Variants in CNBD1 observed in about 807,000 individuals in gnomAD.
The protein encoded by CNBD1 is cyclic nucleotide-binding domain-containing protein 1.
Under a neutral mutation model 54.4 loss-of-function variants are expected in CNBD1, and 71 were observed. The observed-to-expected ratio is 1.30, with a 90% confidence interval of 1.08 to 1.59. The LOEUF (loss-of-function observed/expected upper bound fraction) is 1.59, where lower values mean the gene tolerates loss of function less well. Ranked by LOEUF, CNBD1 falls within the 40% of genes most tolerant of loss-of-function variation. CNBD1 has a pLI of 0.00. For synonymous variants in CNBD1, 182 were observed against 170.7 expected (o/e 1.07, Z -0.51); for missense variants, 659 against 518.0 (o/e 1.27, Z -2.64).
chr8:87,117,554 A>G (rs1269396775), intron 4 of CNBD1, among the ~76,000 whole-genome samples: 4 of 152,210 alleles, frequency 2.6e-5, no homozygotes, highest in Non-Finnish European at 5.9e-5. Flanking sequence ...TTATTTCCAA[A>G]AAGACAAGCA....
intron 4 of CNBD1, among the ~76,000 whole-genome samples, chr8:87,020,889 A>C (rs1472647506): frequency 6.6e-6 from 1 of 152,194 alleles, no homozygotes; most frequent in East Asian, 1.9e-4. Flanking sequence ...AAAGTCTGCT[A>C]TCCAAAAAGC....
chr8:87,140,755 A>G (rs998295423), intron 4 of CNBD1, among the ~76,000 whole-genome samples: 3 of 152,164 alleles, frequency 2.0e-5, no homozygotes, highest in African/African-American at 7.2e-5. Context: ...GTTGTCAAGC[A>G]TGTAGAATCG....
At chr8:87,141,641 CAAT>C (rs1372602503) in intron 4 of CNBD1, among the ~76,000 whole-genome samples, 4 of 151,966 alleles carry the variant, frequency 2.6e-5, no homozygotes, top group African/African-American at 9.6e-5. Flanking sequence ...TTTCAAATAA[CAAT>C]AACTCCAAAG....
At chr8:87,343,766 T>G (rs909431532) in intron 8 of CNBD1, among the ~76,000 whole-genome samples, 49 of 152,154 alleles carry the variant, frequency 3.2e-4, no homozygotes, top group Non-Finnish European at 3.4e-4. Context: ...TTCTATGGGT[T>G]TTCATAATTT....
intron 4 of CNBD1, among the ~76,000 whole-genome samples, chr8:86,945,034 T>C (rs1807433810): frequency 6.6e-6 from 1 of 152,214 alleles, no homozygotes; most frequent in South Asian, 2.1e-4. Context: ...AATCATCTGA[T>C]GCTCTCACAT....
chr8:86,986,084 C>A (rs1450140542), intron 4 of CNBD1, among the ~76,000 whole-genome samples: 1 of 152,078 alleles, frequency 6.6e-6, no homozygotes. Flanking sequence ...TGCACACCAT[C>A]ACGTCCATCT....
intron 4 of CNBD1, among the ~76,000 whole-genome samples, chr8:87,080,648 T>C (rs998219296): frequency 2.0e-5 from 3 of 152,196 alleles, no homozygotes; most frequent in Non-Finnish European, 4.4e-5. Flanking sequence ...CATTTTTTAG[T>C]TAAATATGTT....
intron 10 of CNBD1, among the ~76,000 whole-genome samples, chr8:87,376,130 A>G (rs1475840764): frequency 1.3e-5 from 2 of 151,920 alleles, no homozygotes; most frequent in Admixed American, 1.3e-4. Context: ...TAAAGGAAAT[A>G]TAGTTTAGAT....
At chr8:87,271,689 CAGTAT>C (rs946445610) in intron 6 of CNBD1, among the ~76,000 whole-genome samples, 1 of 151,950 alleles carries the variant, frequency 6.6e-6, no homozygotes, top group Non-Finnish European at 1.5e-5. Context: ...CTATGGAAAA[CAGTAT>C]AGAGGTTCCT....
At chr8:87,274,676 G>C (rs1808439399) in intron 6 of CNBD1, among the ~76,000 whole-genome samples, 1 of 133,504 alleles carries the variant, frequency 7.5e-6, no homozygotes, top group Non-Finnish European at 1.6e-5. Context: ...TTAGCCCTTT[G>C]TCAGATGAGT....
intron 4 of CNBD1, among the ~76,000 whole-genome samples, chr8:87,033,549 A>G (rs1211068507): frequency 6.6e-6 from 1 of 152,212 alleles, no homozygotes; most frequent in African/African-American, 2.4e-5. Context: ...TAGCAGCTTT[A>G]TAGATAAAGG....
intron 4 of CNBD1, among the ~76,000 whole-genome samples, chr8:87,087,009 A>G (rs1347408864): frequency 1.3e-5 from 2 of 152,024 alleles, no homozygotes; most frequent in Middle Eastern, 3.4e-3. Flanking sequence ...TATAATGTTT[A>G]ACAGGACTCC....
At chr8:87,055,157 C>T (rs1031028492) in intron 4 of CNBD1, among the ~76,000 whole-genome samples, 10 of 152,130 alleles carry the variant, frequency 6.6e-5, no homozygotes, top group Non-Finnish European at 4.4e-5. Flanking sequence ...GAAGTGTAGA[C>T]ATGAACACAA....
rs1185870799 is a variant in CNBD1 at position 87,353,679 on chromosome 8, A to C, written c.1196A>C (p.Lys399Thr). The change falls in exon 10 of 11, where the codon AAG becomes ACG. Residue 399 changes from lysine to threonine, a missense_variant. Coordinates refer to ENST00000518476, the MANE Select transcript of CNBD1 (RefSeq NM_173538.3). Reference sequence around the variant, plus strand: ...GTTTATATGGGGAAACTTAAGGAGAAGGAGTCCTTTGGTGAGATTAGCGTC... The same window carrying C: ...GTTTATATGGGGAAACTTAAGGAGACGGAGTCCTTTGGTGAGATTAGCGTC... ...KLVYMGKLKE[K>T]ESFGEISVLL... 4 of 1,604,774 alleles carry C rather than the reference A, an allele frequency of 2.5e-6. No homozygotes were observed. The South Asian group carries it at 3.4e-5, about 14-fold the overall frequency.
At chr8:87,121,596 G>GA (rs1811891445) in intron 4 of CNBD1, among the ~76,000 whole-genome samples, 1 of 151,528 alleles carries the variant, frequency 6.6e-6, no homozygotes, top group Admixed American at 6.6e-5. Context: ...ACCCTGCTAT[G>GA]CAGTATATCA....
At chr8:87,352,614 A>G (rs1211114033) in intron 9 of CNBD1, among the ~76,000 whole-genome samples, 2 of 152,220 alleles carry the variant, frequency 1.3e-5, no homozygotes, top group East Asian at 1.9e-4. Context: ...CAGTAAAAAT[A>G]ATTATGGATA....
chr8:87,188,029 C>G (rs1024256009), intron 4 of CNBD1, among the ~76,000 whole-genome samples: 1 of 152,170 alleles, frequency 6.6e-6, no homozygotes, highest in South Asian at 2.1e-4. Flanking sequence ...TCATTGCTCT[C>G]TCTGCTCCAA....
At chr8:87,251,019 G>A (rs1039197652) in intron 6 of CNBD1, among the ~76,000 whole-genome samples, 1 of 127,876 alleles carries the variant, frequency 7.8e-6, no homozygotes, top group Non-Finnish European at 1.9e-5. Flanking sequence ...AAAGCTTGAG[G>A]TGATAGATAC....
At chr8:87,164,955 A>G (rs1563492460) in intron 4 of CNBD1, among the ~76,000 whole-genome samples, 1 of 151,522 alleles carries the variant, frequency 6.6e-6, no homozygotes, top group African/African-American at 2.4e-5. Flanking sequence ...GCTGCATCTT[A>G]TAAGTTTGAT....
Sources: allele counts gnomAD v4.1 joint callset (sites outside exome capture counted in the v4.1 genomes callset), GRCh38; gene constraint gnomAD v4.1.1; transcripts MANE v1.5; gene names NCBI Gene and HGNC (gene_info 2026-07-23, HGNC 2026-07-21).